Variants in WNT7B observed in about 807,000 individuals in gnomAD.
WNT7B encodes the protein protein Wnt-7b.
In WNT7B, 19 loss-of-function variants were observed where a neutral mutation model predicts 38.2. The observed-to-expected ratio is 0.50, with a 90% CI of 0.35 to 0.73. WNT7B has a LOEUF of 0.73. WNT7B is among the 30% of genes least tolerant of loss of function. The pLI, the probability that WNT7B is intolerant of heterozygous loss-of-function variation, is 0.01. For synonymous variants in WNT7B, 243 were observed against 209.3 expected (o/e 1.16, Z -1.39); for missense variants, 423 against 507.9 (o/e 0.83, Z 1.61).
At chr22:45,934,845 G>A (rs896706530) in intron 2 of WNT7B, among the ~76,000 whole-genome samples, 1 of 152,254 alleles carries the variant, frequency 6.6e-6, no homozygotes, top group Non-Finnish European at 1.5e-5. Context: ...ACAAGGGGGA[G>A]GTGAGCTGCA....
intron 3 of WNT7B, chr22:45,925,525 CGT>C: frequency 1.0e-6 from 1 of 985,232 alleles, no homozygotes. Context: ...GCCTGGACTG[CGT>C]GTCTGGGCGA....
rs994674419 is a variant in WNT7B at position 45,951,797 on chromosome 22, C to T, written c.72-1651G>A. Among the ~76,000 whole-genome samples the T allele has an allele frequency of 1.3e-5, 2 of 152,162 alleles. No individual in the cohort carries two copies. The highest frequency in any genetic ancestry group is 2.4e-5 in the African/African-American group (1 of 41,426). ...TGTATCCATTCATGGCTGGGCATTT[C>T]GGCTGCTTCCACCTTTGGACTACTG... On this transcript the variant is annotated intron_variant, in intron 1 of 3. Transcript: ENST00000339464. This position sits in a 1 kb window ranked among gnomAD's most constrained non-coding sequence, Gnocchi z 4.8.
At chr22:45,936,108 G>A in intron 2 of WNT7B, 1 of 985,436 alleles carries the variant, frequency 1.0e-6, no homozygotes, top group African/African-American at 1.7e-5. Flanking sequence ...AGAGCACTGG[G>A]TGGGTTTCTG....
intron 2 of WNT7B, among the ~76,000 whole-genome samples, chr22:45,936,817 A>T (rs1421017687): frequency 6.6e-6 from 1 of 152,172 alleles, no homozygotes; most frequent in African/African-American, 2.4e-5. Context: ...TTCTAGAAAG[A>T]GCAGATGTGT....
At position 45,931,377 on chromosome 22, in the gene WNT7B, G is replaced by T; in HGVS notation, c.299-8C>A. ...AGGCAGCCTCACGGCTCCCTGCGGG[G>T]ACAGACAGGTGCAGAAGGTGAGACC... On this transcript the variant is annotated splice_polypyrimidine_tract_variant and splice_region_variant and intron_variant, in intron 2 of 3. Transcript: ENST00000339464. 1.3e-6 allele frequency: 2 copies of T among 1,580,232 alleles called. No homozygotes were observed. The highest frequency in any genetic ancestry group is 1.1e-5 in the South Asian group (1 of 89,154).
rs552367908 is a variant in WNT7B at position 45,943,000 on chromosome 22, G to A, written c.298+6920C>T. Among the ~76,000 whole-genome samples the A allele has an allele frequency of 1.2e-3, 174 of 150,796 alleles. 1 individual carries two copies. The highest frequency in any genetic ancestry group is 4.0e-3 in the African/African-American group (162 of 40,668). On this transcript the variant is annotated intron_variant, in intron 2 of 3. Coordinates refer to ENST00000339464, the MANE Select transcript of WNT7B (RefSeq NM_058238.3). ...GTGTGCAGTGTGCATGTGTGTAGGC[G>A]TGTATGTGTGCAGTGTGCATGTGTA...
intron 1 of WNT7B, among the ~76,000 whole-genome samples, chr22:45,960,200 C>A (rs924717883): frequency 1.3e-5 from 2 of 152,158 alleles, no homozygotes; most frequent in Non-Finnish European, 2.9e-5. Context: ...CCCAGACCTG[C>A]CCCCTCAGCC....
chr22:45,972,052 C>T (rs1601744722), intron 1 of WNT7B: 3 of 479,234 alleles, frequency 6.3e-6, no homozygotes, highest in South Asian at 3.1e-5. Flanking sequence ...CCCGGTGCCC[C>T]GCCCAGGGGC....
At chr22:45,963,042 G>C (rs1009945137) in intron 1 of WNT7B, among the ~76,000 whole-genome samples, 2 of 152,224 alleles carry the variant, frequency 1.3e-5, no homozygotes, top group African/African-American at 4.8e-5. Context: ...CTGCAAGACA[G>C]GGCTGAGCTC....
intron 3 of WNT7B, chr22:45,925,537 A>T: frequency 1.0e-6 from 1 of 983,112 alleles, no homozygotes; most frequent in African/African-American, 1.8e-5. Flanking sequence ...TGTCTGGGCG[A>T]CCCCCAGAGA....
chr22:45,959,056 C>T (rs77187605), intron 1 of WNT7B, among the ~76,000 whole-genome samples: 3 of 152,230 alleles, frequency 2.0e-5, no homozygotes, highest in African/African-American at 7.2e-5. Flanking sequence ...TATGCTGGGC[C>T]TGGTGCAAGG....
In WNT7B at chr22:45,939,670, C is replaced by A. The variant is rs561599504; in HGVS notation, c.299-8301G>T. The stretch of plus-strand genomic sequence containing the variant: ...ACACTCACACACACACACACACACA[C>A]AAAAATAGCCAGGTGTGGTGGTGCA... On this transcript the variant is annotated intron_variant, in intron 2 of 3. Transcript: ENST00000339464. 1.6e-3 allele frequency among the ~76,000 whole-genome samples: 242 copies of A among 151,606 alleles called. 1 individual carries two copies. Among genetic ancestry groups the A allele is most frequent in the Middle Eastern group, 3.4e-3 (1 of 294 alleles).
intron 1 of WNT7B, chr22:45,972,116 G>GGGGCCCCCCCCCCCCCCCCC: frequency 1.9e-6 from 1 of 530,740 alleles, no homozygotes; most frequent in Non-Finnish European, 3.3e-6. Context: ...CCCGGGGGGA[G>GGGGCCCCCCCCCCCCCCCCC]CCCACCCGCC....
intron 1 of WNT7B, among the ~76,000 whole-genome samples, chr22:45,973,934 T>C (rs573325915): frequency 3.9e-5 from 6 of 152,040 alleles, no homozygotes; most frequent in Non-Finnish European, 8.8e-5. Context: ...AGGGAAGTGA[T>C]CACGTAATAC....
chr22:45,930,020 A>C (rs369550827), intron 3 of WNT7B, among the ~76,000 whole-genome samples: 3 of 150,804 alleles, frequency 2.0e-5, no homozygotes, highest in African/African-American at 7.5e-5. Context: ...CTCCACATCT[A>C]CAAGAGAAAG....
intron 3 of WNT7B, among the ~76,000 whole-genome samples, chr22:45,928,806 C>T (rs1213370668): frequency 3.9e-5 from 6 of 152,204 alleles, no homozygotes; most frequent in African/African-American, 1.2e-4. Flanking sequence ...ACCTGTAGCC[C>T]AGAGACCAAC....
chr22:45,932,951 G>A (rs1206689113), intron 2 of WNT7B, among the ~76,000 whole-genome samples: 2 of 152,266 alleles, frequency 1.3e-5, no homozygotes, highest in East Asian at 1.9e-4. Context: ...AGAGAGGCAA[G>A]TCAGGTCTGT....
At chr22:45,933,917 C>T (rs73444583) in intron 2 of WNT7B, among the ~76,000 whole-genome samples, 1,854 of 152,288 alleles carry the variant, frequency 0.012, 35 homozygotes, top group African/African-American at 0.042. Context: ...GTGCCAGGGC[C>T]AGCTGCTGGG....
intron 1 of WNT7B, among the ~76,000 whole-genome samples, chr22:45,963,922 A>T (rs1381795789): frequency 1.3e-5 from 2 of 152,024 alleles, no homozygotes; most frequent in African/African-American, 4.8e-5. Context: ...CAAGAGCACA[A>T]TGGGGCGCCA....
Sources: gnomAD v4.1 joint callset for allele counts (sites outside exome capture counted in the v4.1 genomes callset) on GRCh38, gnomAD v4.1.1 for gene constraint, Gnocchi (gnomAD v3.1) non-coding constraint, MANE v1.5 for transcripts, NCBI Gene and HGNC (gene_info 2026-07-23, HGNC 2026-07-21) for gene names.